Variants in DVL1 observed in about 807,000 individuals in gnomAD.
DVL1 encodes the protein segment polarity protein dishevelled homolog DVL-1.
A neutral mutation model predicts 65.0 loss-of-function variants in DVL1; 49 were observed. The ratio of observed to expected loss-of-function variants is 0.75; its 90% confidence interval spans 0.60 to 0.96. The LOEUF (loss-of-function observed/expected upper bound fraction) is 0.96, where lower values mean the gene tolerates loss of function less well. Ranked by LOEUF, DVL1 falls within the 40% of genes least tolerant of loss-of-function variation. The pLI is 0.00. For missense variants in DVL1, 1,197 were observed against 1,045.4 expected (o/e 1.15, Z -2.00); for synonymous variants, 608 against 433.9 (o/e 1.40, Z -4.99).
rs529749618 is a variant in DVL1 at position 1,335,792 on chromosome 1, C to T, written c.*350G>A. The T allele has an allele frequency of 2.8e-5, 9 of 323,928 alleles. No homozygotes were observed. Among genetic ancestry groups the T allele is most frequent in the Non-Finnish European group, 2.3e-5 (4 of 173,708 alleles). The allele number at this position is 323,928 out of a possible 1,614,324, so 20.1% of individuals were successfully genotyped here. A position where few individuals can be genotyped will look rare whatever the true frequency, so the allele number is the denominator to read the frequency against. ...GCCTGTGCACCGCAGGGGGTTGCCCCGCATGGACCACCCTGGGGGCCTGGG... is the reference window on the plus strand; with the variant it reads ...GCCTGTGCACCGCAGGGGGTTGCCCTGCATGGACCACCCTGGGGGCCTGGG... On this transcript the variant is annotated 3_prime_UTR_variant, in exon 15 of 15. Coordinates refer to ENST00000378888, the MANE Select transcript of DVL1 (RefSeq NM_001330311.2).
At position 1,340,443 on chromosome 1, in the gene DVL1, CCGGCGTTTGTGCTTCCGGATGAGT is replaced by C. The variant is rs750282566; in HGVS notation, c.642_665del (p.Leu215_Arg222del). 6.2e-7 allele frequency: 1 copy of C among 1,612,194 alleles called. No homozygotes were observed. Reference sequence around the variant, plus strand: ...CCTGCCGAAGGCGCTGCTTCCTCCGCCGGCGTTTGTGCTTCCGGATGAGTCTGGATGAGGTGCTCTGCTCCGTGG... The same window carrying C: ...CCTGCCGAAGGCGCTGCTTCCTCCGCCTGGATGAGGTGCTCTGCTCCGTGG... On this transcript the variant is annotated inframe_deletion, in exon 6 of 15. Coordinates refer to ENST00000378888, the MANE Select transcript of DVL1 (RefSeq NM_001330311.2).
rs182333546 is a variant in DVL1, at chr1:1,336,482, C to A, written c.1748G>T (p.Arg583Leu). The A allele has an allele frequency of 1.9e-6, 3 of 1,544,188 alleles. No homozygotes were observed. The highest frequency in any genetic ancestry group is 2.3e-5 in the East Asian group (1 of 43,724). Reference protein sequence around the residue: ...SKSSGSTRSSRRAPGREKERR... With the variant: ...SKSSGSTRSSLRAPGREKERR... Reference sequence around the variant, plus strand: ...CTCCTTCTCACGGCCCGGGGCCCGGCGGCTGCTCCGGGTGGACCCACTGCT... The same window carrying A: ...CTCCTTCTCACGGCCCGGGGCCCGGAGGCTGCTCCGGGTGGACCCACTGCT... Residue 583 changes from arginine (R) to leucine (L), a missense_variant, in exon 15 of 15, where the codon CGC becomes CTC. By Grantham distance (102) the Arg-to-Leu change is moderately radical. Transcript: ENST00000378888.
chr1:1,339,447 GC>G lies in DVL1; in HGVS notation c.1055-9del. 1 of 1,543,508 alleles carries G rather than the reference GC, an allele frequency of 6.5e-7. No individual in the cohort carries two copies. Among genetic ancestry groups the G allele is most frequent in the Non-Finnish European group, 8.7e-7 (1 of 1,143,596 alleles). ...TGGGCCGCACCGGGTCAGCTGGGTG[GC>G]CGCCACGTGGCGATGACAGGCGGAC... On this transcript the variant is annotated splice_polypyrimidine_tract_variant and intron_variant, in intron 10 of 14. Transcript: ENST00000378888.
At chr1:1,342,321 C>T (rs1299731278) in intron 3 of DVL1, 42 bp downstream of exon 3, 40 of 1,528,568 alleles carry the variant, frequency 2.6e-5, no homozygotes, top group Non-Finnish European at 3.5e-5. Context: ...ACCCCCATGA[C>T]AGGCTTGGGG....
Position 1,339,370 on chromosome 1 carries a change from G to A in DVL1, c.1124C>T (p.Pro375Leu), listed in dbSNP as rs1475543999. 1 of 1,548,928 alleles carries A rather than the reference G, an allele frequency of 6.5e-7. No individual in the cohort carries two copies. The highest frequency in any genetic ancestry group is 2.4e-5 in the East Asian group (1 of 40,912). ...GGAGCAGGGACTCGTACCGTAGCGGGGCAGGGCTCCTGTCAGTGCCGCCGT... is the reference window on the plus strand; with the variant it reads ...GGAGCAGGGACTCGTACCGTAGCGGAGCAGGGCTCCTGTCAGTGCCGCCGT... ...SHTAALTGAL[P>L]RYGTSPCSSA... The change falls in exon 11 of 15, where the codon CCC (proline) becomes CTC (leucine). Residue 375 changes from proline to leucine, a missense_variant. Coordinates refer to ENST00000378888, the MANE Select transcript of DVL1 (RefSeq NM_001330311.2).
At chr1:1,336,910 C>G in intron 14 of DVL1, 2 of 831,926 alleles carry the variant, frequency 2.4e-6, no homozygotes, top group Non-Finnish European at 2.9e-6. Flanking sequence ...CCCTGGCCGA[C>G]GGATGACTCA....
rs61735961 is a variant in DVL1 at position 1,335,515 on chromosome 1, G to C, written c.*627C>G. 1.3e-5 allele frequency: 2 copies of C among 154,162 alleles called. No homozygotes were observed. Among genetic ancestry groups the C allele is most frequent in the Non-Finnish European group, 2.9e-5 (2 of 69,368 alleles). The allele number at this position is 154,162 out of a possible 1,614,324, so 9.5% of individuals were successfully genotyped here. ...CCTCCCTGTGGCAGCTGTGCACATCGGGGCCCCTTGACCCTGCGGGCCATG... is the reference window on the plus strand; with the variant it reads ...CCTCCCTGTGGCAGCTGTGCACATCCGGGCCCCTTGACCCTGCGGGCCATG... On this transcript the variant is annotated 3_prime_UTR_variant, in exon 15 of 15. Transcript: ENST00000378888.
chr1:1,340,397 C>A lies in DVL1; in HGVS notation c.699+13G>T, dbSNP rs1251775741. Reference sequence around the variant, plus strand: ...GCCTCCCCAGCCCCGCCCTGCTCCACCCGGCTGCCTACCCGGTCCGCCTGC... The same window carrying A: ...GCCTCCCCAGCCCCGCCCTGCTCCAACCGGCTGCCTACCCGGTCCGCCTGC... On this transcript the variant is annotated intron_variant, in intron 6 of 14. Coordinates refer to ENST00000378888, the MANE Select transcript of DVL1 (RefSeq NM_001330311.2). The A allele has an allele frequency of 6.2e-7, 1 of 1,611,750 alleles. No homozygotes were observed. The highest frequency in any genetic ancestry group is 1.6e-4 in the Middle Eastern group (1 of 6,078).
intron 1 of DVL1, among the ~76,000 whole-genome samples, chr1:1,346,798 G>A (rs1643920506): frequency 6.6e-6 from 1 of 152,182 alleles, no homozygotes; most frequent in Non-Finnish European, 1.5e-5. Context: ...TCCCCAGCCT[G>A]AAGCTCCCTC....
intron 4 of DVL1, 94 bp downstream of exon 4, chr1:1,341,959 G>T: frequency 6.9e-7 from 1 of 1,457,392 alleles, no homozygotes. Context: ...CACCGCCACT[G>T]GCTGGGGGAC....
Position 1,339,261 on chromosome 1 carries a change from T to A in DVL1, c.1207+26A>T, listed in dbSNP as rs769733339. 1.3e-5 allele frequency: 20 copies of A among 1,548,020 alleles called. No homozygotes were observed. In the African/African-American group the frequency reaches 1.9e-4, roughly 15 times the overall value. On this transcript the variant is annotated intron_variant, in intron 11 of 14. Coordinates refer to ENST00000378888, the MANE Select transcript of DVL1 (RefSeq NM_001330311.2). ...GCCCCCTCCAAGCCTCGGTTTCTGC[T>A]GGGGCCCTCAGGAGCTGCCACTTAC...
intron 14 of DVL1, 102 bp from the exon 15 acceptor site, chr1:1,336,617 G>T (rs897601107): frequency 7.1e-7 from 1 of 1,405,156 alleles, no homozygotes; most frequent in Non-Finnish European, 9.3e-7. Flanking sequence ...ACGGTGGCCC[G>T]TGCAGGACGG....
intron 1 of DVL1, among the ~76,000 whole-genome samples, chr1:1,348,572 G>A (rs1316226468): frequency 1.3e-5 from 2 of 152,094 alleles, no homozygotes; most frequent in African/African-American, 4.8e-5. Flanking sequence ...ACCCCAGCCC[G>A]CACCAACGGC....
chr1:1,348,677 ACGCCGGGAACCC>A (rs1643961316), intron 1 of DVL1, among the ~76,000 whole-genome samples: 2 of 152,054 alleles, frequency 1.3e-5, no homozygotes, highest in African/African-American at 4.8e-5. Flanking sequence ...GGGGCCAGGG[ACGCCGGGAACCC>A]CGCCTGCCAT....
At chr1:1,346,393 A>G (rs1643914640) in intron 1 of DVL1, among the ~76,000 whole-genome samples, 1 of 152,154 alleles carries the variant, frequency 6.6e-6, no homozygotes, top group Admixed American at 6.5e-5. Flanking sequence ...AGCATCCGCC[A>G]CGCACCCAGC....
intron 5 of DVL1, among the ~76,000 whole-genome samples, 178 bp downstream of exon 5, chr1:1,341,489 T>C (rs1435895723): frequency 3.3e-5 from 5 of 150,892 alleles, no homozygotes; most frequent in Non-Finnish European, 5.9e-5. Context: ...AAACACCTCA[T>C]GTGGAACACG....
In DVL1 at chr1:1,338,377, C is replaced by T; in HGVS notation, c.1399G>A (p.Ala467Thr). The T allele has an allele frequency of 6.2e-7, 1 of 1,612,534 alleles. No homozygotes were observed. Among genetic ancestry groups the T allele is most frequent in the Non-Finnish European group, 8.5e-7 (1 of 1,179,856 alleles). ...AGCAAGCTGCTGGCGTACTTCCGGG[C>T]CTCCCGCCGCTCCTTGAAGCCCTCC... ...HVEGFKERRE[A>T]RKYASSLLKH... Residue 467 changes from alanine (A) to threonine (T), a missense_variant, in exon 13 of 15, where the codon GCC (alanine) becomes ACC (threonine). Coordinates refer to ENST00000378888, the MANE Select transcript of DVL1 (RefSeq NM_001330311.2).
intron 1 of DVL1, among the ~76,000 whole-genome samples, chr1:1,345,734 G>T (rs550518535): frequency 1.3e-5 from 2 of 152,204 alleles, no homozygotes; most frequent in Admixed American, 1.3e-4. Context: ...TGCCCTAGAC[G>T]TGGCGTGGTC....
In DVL1 at chr1:1,340,432, T is replaced by G; in HGVS notation, c.677A>C (p.Gln226Pro). ...IRKHKRRRRK[Q>P]RLRQADRASS... Reference sequence around the variant, plus strand: ...TACCCGGTCCGCCTGCCGAAGGCGCTGCTTCCTCCGCCGGCGTTTGTGCTT... The same window carrying G: ...TACCCGGTCCGCCTGCCGAAGGCGCGGCTTCCTCCGCCGGCGTTTGTGCTT... The change falls in exon 6 of 15, where the codon CAG (glutamine) becomes CCG (proline). Residue 226 changes from glutamine to proline, a missense_variant. Coordinates refer to ENST00000378888, the MANE Select transcript of DVL1 (RefSeq NM_001330311.2). 2 of 1,612,634 alleles carry G rather than the reference T, an allele frequency of 1.2e-6. No individual in the cohort carries two copies. The highest frequency in any genetic ancestry group is 1.7e-6 in the Non-Finnish European group (2 of 1,179,552).
Sources: allele counts gnomAD v4.1 joint callset (sites outside exome capture counted in the v4.1 genomes callset), GRCh38; gene constraint gnomAD v4.1.1; transcripts MANE v1.5; gene names NCBI Gene and HGNC (gene_info 2026-07-23, HGNC 2026-07-21).